The following TMEM237 variants were observed in gnomAD, a reference collection of about 807,000 sequenced individuals.
TMEM237 encodes transmembrane protein 237.
A neutral mutation model predicts 59.1 loss-of-function variants in TMEM237; 51 were observed. The ratio of observed to expected loss-of-function variants is 0.86; its 90% CI spans 0.69 to 1.09. The LOEUF (loss-of-function observed/expected upper bound fraction) is 1.09. Among genes scored for constraint, TMEM237 ranks in the 50% least tolerant of loss-of-function variants. TMEM237 has a pLI of 0.00. For synonymous variants in TMEM237, 140 were observed against 166.1 expected, an observed-to-expected ratio of 0.84 and a Z score of 1.21; for missense variants, 475 against 478.3, an observed-to-expected ratio of 0.99 and a Z score of 0.06.
chr2:201,638,879 G>A, intron 4 of TMEM237, 110 bp downstream of exon 4: 4 of 1,060,622 alleles, frequency 3.8e-6, no homozygotes, highest in Non-Finnish European at 4.1e-6. Context: ...CCTCAATGAA[G>A]TGGAGATTCG....
chr2:201,627,518 T>C, intron 10 of TMEM237, 104 bp from the exon 11 acceptor site: 1 of 711,996 alleles, frequency 1.4e-6, no homozygotes, highest in Non-Finnish European at 2.2e-6. Context: ...TGACTGATGA[T>C]ATAAAAGAAA....
rs900240585 is a variant in TMEM237, at chr2:201,629,087, A to G, written c.869+143T>C. 1.3e-5 allele frequency: 7 copies of G among 531,344 alleles called. No homozygotes were observed. The Admixed American group carries it at 2.8e-4, about 21-fold the overall frequency. 32.9% of individuals were successfully genotyped at this position (531,344 alleles called of 1,614,324 possible). A position where few individuals can be genotyped will look rare whatever the true frequency, so the allele number is the denominator to read the frequency against. On this transcript the variant is annotated intron_variant, in intron 9 of 12. Transcript: ENST00000409883. ...AATGGTCTCATCCCCTCAAAAAAGA[A>G]CAGAAGTAGACTGGCCTTAAAACTT...
At position 201,622,430 on chromosome 2, in the gene TMEM237, C is replaced by A. The variant is rs1004518614; in HGVS notation, c.*1825G>T. On this transcript the variant is annotated 3_prime_UTR_variant, in exon 13 of 13. Transcript: ENST00000409883. ...TTGGCTCTAGGGGAGGATTTGTTTC[C>A]TTGCTCATTTGGGATACTCATAGAA... 2 of 152,190 alleles carry A rather than the reference C, an allele frequency of 1.3e-5. No homozygotes were observed. Among genetic ancestry groups the A allele is most frequent in the African/African-American group, 4.8e-5 (2 of 41,438 alleles). 9.4% of individuals were successfully genotyped at this position (152,190 alleles called of 1,614,324 possible).
intron 6 of TMEM237, among the ~76,000 whole-genome samples, chr2:201,633,084 G>GT (rs1559587657): frequency 6.6e-6 from 1 of 151,032 alleles, no homozygotes; most frequent in East Asian, 1.9e-4. Context: ...TGGCTCTTAA[G>GT]TTTTTTTATT....
At chr2:201,629,571 A>G in intron 8 of TMEM237, 150 bp from the exon 9 acceptor site, 1 of 1,272,476 alleles carries the variant, frequency 7.9e-7, no homozygotes, top group Non-Finnish European at 1.1e-6. Context: ...TGATAGGTAG[A>G]TCACTCAATT....
At chr2:201,626,462 T>A (rs1957759737) in intron 11 of TMEM237, 1 of 179,178 alleles carries the variant, frequency 5.6e-6, no homozygotes, top group African/African-American at 2.4e-5. Context: ...TATCTTTGCT[T>A]TCTCTTTACC....
rs370408283 is a variant in TMEM237 at position 201,640,996 on chromosome 2, A to AT, written c.43-73dup. On this transcript the variant is annotated intron_variant, in intron 1 of 12. Transcript: ENST00000409883. ...TCTTTACTTCAAATACCATCACGCT[A>AT]TTTTTTTTTTTTTGAGATGGTGTAT... 130,916 of 1,021,598 alleles carry AT rather than the reference A, an allele frequency of 0.13. 368 individuals are homozygous for AT. Among genetic ancestry groups the AT allele is most frequent in the Non-Finnish European group, 0.14 (101,581 of 741,482 alleles). The allele number at this position is 1,021,598 out of a possible 1,614,324, so 63.3% of individuals were successfully genotyped here. A position where few individuals can be genotyped will look rare whatever the true frequency, so the allele number is the denominator to read the frequency against.
At chr2:201,628,194 A>T (rs1957776852) in intron 9 of TMEM237, 45 bp from the exon 10 acceptor site, 2 of 1,366,606 alleles carry the variant, frequency 1.5e-6, no homozygotes, top group African/African-American at 1.4e-5. Context: ...TTGTAAACTT[A>T]ACAAAACTTT....
chr2:201,633,521 A>G (rs745313365), intron 5 of TMEM237, 90 bp from the exon 6 acceptor site: 4 of 1,092,122 alleles, frequency 3.7e-6, no homozygotes, highest in Non-Finnish European at 3.6e-6. Flanking sequence ...AAGAACTTCA[A>G]GAATTTTAAT....
chr2:201,631,065 G>A (rs565693187), intron 7 of TMEM237: 2 of 152,106 alleles, frequency 1.3e-5, no homozygotes, highest in Non-Finnish European at 2.9e-5. Context: ...TGTTATAGAC[G>A]GAATGCGTCC....
intron 4 of TMEM237, chr2:201,638,723 A>G (rs1007747291): frequency 4.3e-6 from 2 of 468,062 alleles, no homozygotes; most frequent in South Asian, 3.5e-5. Flanking sequence ...AAGACCTTAA[A>G]GAGTCCAGGA....
intron 1 of TMEM237, chr2:201,642,820 C>T: frequency 7.4e-7 from 1 of 1,353,650 alleles, no homozygotes; most frequent in African/African-American, 1.5e-5. Context: ...CAGACTAGCC[C>T]TGCCAAAAAG....
chr2:201,629,753 G>T lies in TMEM237; in HGVS notation c.653C>A (p.Ala218Glu), dbSNP rs1480206034. The T allele has an allele frequency of 1.1e-5, 17 of 1,612,750 alleles. No individual in the cohort carries two copies. Among genetic ancestry groups the T allele is most frequent in the Non-Finnish European group, 1.4e-5 (16 of 1,179,630 alleles). ...VKPSWTTRDV[A>E]LTVHRAFRMI... ...CCTGAAAGCCCGGTGCACTGTAAGT[G>T]CCACATCTCTGGTGGTCCAGGAAGG... Residue 218 changes from alanine to glutamate, a missense_variant, in exon 8 of 13, where the codon GCA (alanine) becomes GAA (glutamate). Coordinates refer to ENST00000409883, the MANE Select transcript of TMEM237 (RefSeq NM_001044385.3).
At position 201,629,308 on chromosome 2, in the gene TMEM237, T is replaced by G; in HGVS notation, c.791A>C (p.Gln264Pro). 1 of 1,611,626 alleles carries G rather than the reference T, an allele frequency of 6.2e-7. No homozygotes were observed. The highest frequency in any genetic ancestry group is 8.5e-7 in the Non-Finnish European group (1 of 1,179,286). ...QLSNLSNLLQ[Q>P]YKTLAYPFQS... is the part of the protein sequence containing the mutation. Reference sequence around the variant, plus strand: ...GAATGGATACGCTAGGGTCTTGTATTGTTGCAGAAGGTTTGAGAGGTTGGA... The same window carrying G: ...GAATGGATACGCTAGGGTCTTGTATGGTTGCAGAAGGTTTGAGAGGTTGGA... The change falls in exon 9 of 13, where the codon CAA (glutamine) becomes CCA (proline). Residue 264 changes from glutamine (Q) to proline (P), a missense_variant. By Grantham distance (76) the Gln-to-Pro change is moderately conservative. Coordinates refer to ENST00000409883, the MANE Select transcript of TMEM237 (RefSeq NM_001044385.3).
At chr2:201,626,648 G>C (rs1957761466) in intron 11 of TMEM237, among the ~76,000 whole-genome samples, 1 of 151,326 alleles carries the variant, frequency 6.6e-6, no homozygotes. Flanking sequence ...GGCTCTCCCT[G>C]TTCCGCTCTT....
chr2:201,623,289 A>G lies in TMEM237; in HGVS notation c.*966T>C. The G allele has an allele frequency of 2.5e-6, 1 of 403,046 alleles. No individual in the cohort carries two copies. Among genetic ancestry groups the G allele is most frequent in the South Asian group, 1.9e-5 (1 of 52,234 alleles). 25.0% of individuals were successfully genotyped at this position (403,046 alleles called of 1,614,324 possible). ...CATAGCTAGTCTTCTCCTCAACTTG[A>G]GCTTTAGGGTCTCATATACAACAGC... is the stretch of plus-strand genomic sequence containing the variant. On this transcript the variant is annotated 3_prime_UTR_variant, in exon 13 of 13. Transcript: ENST00000409883.
rs1027083533 is a variant in TMEM237 at position 201,643,098 on chromosome 2, G to A, written c.42+261C>T. Among the ~76,000 whole-genome samples the A allele has an allele frequency of 6.6e-6, 1 of 152,118 alleles. No individual in the cohort carries two copies. The highest frequency in any genetic ancestry group is 1.5e-5 in the Non-Finnish European group (1 of 68,018). ...CCGGGCCTCAGATGAGTGAGGCGTC[G>A]TCGTGGCAACGCGGGCTCAGGTCCC... On this transcript the variant is annotated intron_variant, in intron 1 of 12. Coordinates refer to ENST00000409883, the MANE Select transcript of TMEM237 (RefSeq NM_001044385.3). This position sits in a 1 kb window ranked among gnomAD's most constrained non-coding sequence, Gnocchi z 4.3.
In TMEM237 at chr2:201,620,867, T is replaced by C. The variant is rs1273237752; in HGVS notation, c.*3388A>G. 1 of 152,216 alleles carries C rather than the reference T, an allele frequency of 6.6e-6. No homozygotes were observed. The highest frequency in any genetic ancestry group is 1.9e-4 in the East Asian group (1 of 5,198). 9.4% of individuals were successfully genotyped at this position (152,216 alleles called of 1,614,324 possible). A position where few individuals can be genotyped will look rare whatever the true frequency, so the allele number is the denominator to read the frequency against. On this transcript the variant is annotated 3_prime_UTR_variant, in exon 13 of 13. Coordinates refer to ENST00000409883, the MANE Select transcript of TMEM237 (RefSeq NM_001044385.3). The stretch of plus-strand genomic sequence containing the variant: ...TGATTTTGACAACTTTCACATCCTA[T>C]TAGTGGGCTCACACTGTTAGTTGCT...
chr2:201,642,252 T>C (rs894871344), intron 1 of TMEM237, among the ~76,000 whole-genome samples: 4 of 152,226 alleles, frequency 2.6e-5, no homozygotes, highest in Admixed American at 6.5e-5. Context: ...AGACATTTAT[T>C]CAAAAGGGTT....
Sources: gnomAD v4.1 joint callset for allele counts (sites outside exome capture counted in the v4.1 genomes callset) on GRCh38, gnomAD v4.1.1 for gene constraint, Gnocchi (gnomAD v3.1) non-coding constraint, MANE v1.5 for transcripts, NCBI Gene and HGNC (gene_info 2026-07-23, HGNC 2026-07-21) for gene names.